The following DAB2IP variants were observed in gnomAD, a reference collection of about 807,000 sequenced individuals.
The protein encoded by DAB2IP is DAB2 interacting protein, also known as disabled homolog 2-interacting protein.
In DAB2IP, 28 loss-of-function variants were observed where a neutral mutation model predicts 107.2. That is an observed-to-expected ratio of 0.26 (90% confidence interval 0.19 to 0.36). DAB2IP has a LOEUF of 0.36. DAB2IP is among the 10% of genes least tolerant of loss of function. DAB2IP has a pLI of 1.00. For synonymous variants in DAB2IP, 755 were observed against 706.4 expected (o/e 1.07, Z -1.09); for missense variants, 1,400 against 1,644.7 (o/e 0.85, Z 2.57).
chr9:121,760,412 C>T lies in DAB2IP; in HGVS notation c.1143C>T (p.His381=). 5 of 1,605,580 alleles carry T rather than the reference C, an allele frequency of 3.1e-6. 1 individual carries two copies. Among genetic ancestry groups the T allele is most frequent in the East Asian group, 4.5e-5 (2 of 44,788 alleles). ...AGGAGATGGCATCTGCCCTGGTGCA[C>T]ATCCTGCAGAGCACGGGCAAGGTGA... Residue 381 remains histidine (H), a synonymous_variant, in exon 6 of 16, where the codon CAC becomes CAT. Transcript: ENST00000408936. The surrounding 1 kb of genome is among the most constrained non-coding windows in gnomAD (Gnocchi z 5.9).
At chr9:121,620,417 C>G (rs922882577) in intron 1 of DAB2IP, among the ~76,000 whole-genome samples, 1 of 152,194 alleles carries the variant, frequency 6.6e-6, no homozygotes, top group African/African-American at 2.4e-5. Context: ...GCTCTGGAGT[C>G]TGAATGGGTT....
rs1832015131 is a variant in DAB2IP at position 121,634,614 on chromosome 9, G to A, written c.41-44064G>A. 6.6e-6 allele frequency among the ~76,000 whole-genome samples: 1 copy of A among 152,182 alleles called. No homozygotes were observed. The highest frequency in any genetic ancestry group is 2.4e-5 in the African/African-American group (1 of 41,432). The stretch of plus-strand genomic sequence containing the variant: ...GTGGGCAGTGGGGGTGGAGTTCACT[G>A]TCAGCGCCAAAGAGGAAGTGGGGAG... On this transcript the variant is annotated intron_variant, in intron 1 of 16. Coordinates refer to the DAB2IP transcript ENST00000259371. This position sits in a 1 kb window ranked among gnomAD's most constrained non-coding sequence, Gnocchi z 4.7.
intron 1 of DAB2IP, among the ~76,000 whole-genome samples, chr9:121,668,095 G>A (rs1833522986): frequency 6.6e-6 from 1 of 152,102 alleles, no homozygotes; most frequent in Admixed American, 6.6e-5. Context: ...ATCTCCCACC[G>A]GGTTCCTCCC....
chr9:121,615,631 C>CT (rs10710830), intron 1 of DAB2IP, among the ~76,000 whole-genome samples: 2 of 139,312 alleles, frequency 1.4e-5, no homozygotes, highest in African/African-American at 5.2e-5. Context: ...AACTTTCTTT[C>CT]TTTTTTTTTT....
rs59290421 is a variant in DAB2IP at position 121,666,867 on chromosome 9, A to AACACACAC, written c.125-11769_125-11762dup. The stretch of plus-strand genomic sequence containing the variant: ...GGCTTCATCCCCTATCCCCAGCCCC[A>AACACACAC]ACACACACACACACACACACACACA... On this transcript the variant is annotated intron_variant, in intron 1 of 15. Coordinates refer to ENST00000408936, the Ensembl canonical transcript of DAB2IP. 6.2e-3 allele frequency among the ~76,000 whole-genome samples: 795 copies of AACACACAC among 128,626 alleles called. 3 individuals carry two copies. Among genetic ancestry groups the AACACACAC allele is most frequent in the Middle Eastern group, 0.011 (3 of 270 alleles). 84.4% of individuals were successfully genotyped at this position (128,626 alleles called of 152,430 possible). A position where few individuals can be genotyped will look rare whatever the true frequency, so the allele number is the denominator to read the frequency against.
Position 121,778,523 on chromosome 9 carries a change from C to T in DAB2IP, c.3314+2132C>T, listed in dbSNP as rs569785172. Reference sequence around the variant, plus strand: ...TCTGTTGCCTTGTTTCCTATTTGTACCATCTGTTCTTTTTTTCCTGCCTTC... The same window carrying T: ...TCTGTTGCCTTGTTTCCTATTTGTATCATCTGTTCTTTTTTTCCTGCCTTC... On this transcript the variant is annotated intron_variant, in intron 14 of 15. Transcript: ENST00000408936. Among the ~76,000 whole-genome samples, 9 of 152,184 alleles carry T rather than the reference C, an allele frequency of 5.9e-5. No individual in the cohort carries two copies. In the South Asian group the frequency reaches 1.9e-3, roughly 32 times the overall value.
intron 1 of DAB2IP, among the ~76,000 whole-genome samples, chr9:121,677,522 A>G (rs1828325582): frequency 6.6e-6 from 1 of 152,084 alleles, no homozygotes; most frequent in Admixed American, 6.5e-5. Context: ...CCTGACTCTA[A>G]AACAAACAGA....
At chr9:121,757,273 G>GCCAGGGTCTTGGGGA in intron 4 of DAB2IP, 107 bp downstream of exon 4, 1 of 1,439,954 alleles carries the variant, frequency 6.9e-7, no homozygotes, top group Non-Finnish European at 9.3e-7. Flanking sequence ...CTCAGCAGGG[G>GCCAGGGTCTTGGGGA]CCAGGGTCTT....
intron 1 of DAB2IP, among the ~76,000 whole-genome samples, chr9:121,670,725 C>A (rs964909671): frequency 6.6e-6 from 1 of 152,186 alleles, no homozygotes; most frequent in Non-Finnish European, 1.5e-5. Flanking sequence ...TTTAAGAATG[C>A]ATATCATTTG....
At chr9:121,567,569 T>G (rs1413946707) in intron 1 of DAB2IP, among the ~76,000 whole-genome samples, 1 of 152,238 alleles carries the variant, frequency 6.6e-6, no homozygotes, top group Non-Finnish European at 1.5e-5. Flanking sequence ...TCGCCAGGCC[T>G]GCCCTGTGCT....
intron 3 of DAB2IP, among the ~76,000 whole-genome samples, chr9:121,744,277 G>T (rs370025953): frequency 3.7e-4 from 56 of 152,310 alleles, no homozygotes; most frequent in Non-Finnish European, 6.2e-4. Context: ...GGGTGGAGGC[G>T]GGTGGGAGAC....
intron 14 of DAB2IP, among the ~76,000 whole-genome samples, chr9:121,778,081 C>G (rs1368704153): frequency 1.3e-5 from 2 of 152,186 alleles, no homozygotes; most frequent in Non-Finnish European, 2.9e-5. Flanking sequence ...GTATTGCCCT[C>G]AGTTCTGAAG....
intron 5 of DAB2IP, among the ~76,000 whole-genome samples, chr9:121,759,633 G>A (rs1833742330): frequency 1.3e-5 from 2 of 152,182 alleles, no homozygotes; most frequent in Non-Finnish European, 2.9e-5. Flanking sequence ...CCTTAGTGCC[G>A]TTTCATAGAC....
intron 9 of DAB2IP, among the ~76,000 whole-genome samples, chr9:121,767,468 A>T (rs972399177): frequency 1.3e-5 from 2 of 151,590 alleles, no homozygotes; most frequent in Non-Finnish European, 2.9e-5. Context: ...CTCCAGGGTG[A>T]CATGATCCCC....
intron 1 of DAB2IP, among the ~76,000 whole-genome samples, chr9:121,610,221 C>T (rs1831041813): frequency 6.6e-6 from 1 of 152,214 alleles, no homozygotes; most frequent in Non-Finnish European, 1.5e-5. Flanking sequence ...TAGGAAGGAG[C>T]TTGGACCAGA....
intron 1 of DAB2IP, among the ~76,000 whole-genome samples, chr9:121,608,528 T>A (rs1830967128): frequency 6.6e-6 from 1 of 152,028 alleles, no homozygotes; most frequent in Non-Finnish European, 1.5e-5. Context: ...TGTAACTGGT[T>A]GGAGCAGGAG....
exon 16 of DAB2IP, chr9:121,785,461 A>C (rs929067378): frequency 7.2e-5 from 11 of 152,546 alleles, no homozygotes; most frequent in Admixed American, 3.3e-4. Flanking sequence ...GTGTTCTAAG[A>C]CTCTGTGTGG....
At chr9:121,595,091 G>T (rs1830500623) in intron 1 of DAB2IP, among the ~76,000 whole-genome samples, 1 of 152,096 alleles carries the variant, frequency 6.6e-6, no homozygotes, top group Non-Finnish European at 1.5e-5. Flanking sequence ...GGCTATTCAT[G>T]TTCTTAAGAT....
At chr9:121,654,454 G>T (rs1374446274) in intron 1 of DAB2IP, among the ~76,000 whole-genome samples, 2 of 151,740 alleles carry the variant, frequency 1.3e-5, no homozygotes, top group Non-Finnish European at 2.9e-5. Flanking sequence ...TTGTTTGTTT[G>T]TTTTTTTAAA....
Sources: allele counts gnomAD v4.1 joint callset (sites outside exome capture counted in the v4.1 genomes callset), GRCh38; gene constraint gnomAD v4.1.1; non-coding constraint Gnocchi (gnomAD v3.1); transcripts MANE v1.5; gene names NCBI Gene and HGNC (gene_info 2026-07-23, HGNC 2026-07-21).